The following IGSF21 variants were observed in gnomAD, a reference collection of about 807,000 sequenced individuals.
The protein encoded by IGSF21 is immunoglobin superfamily member 21.
IGSF21 carries 28 observed loss-of-function variants against 46.8 expected under a neutral mutation model. That is an observed-to-expected ratio of 0.60 (90% CI 0.44 to 0.82). The LOEUF is 0.82. Among genes scored for constraint, IGSF21 ranks in the 40% least tolerant of loss-of-function variants. IGSF21 has a pLI of 0.00. For missense variants in IGSF21, 624 were observed against 665.5 expected (o/e 0.94, Z 0.69); for synonymous variants, 284 against 273.6 (o/e 1.04, Z -0.38).
intron 1 of IGSF21, among the ~76,000 whole-genome samples, chr1:18,210,090 G>T (rs141389347): frequency 6.6e-6 from 1 of 152,240 alleles, no homozygotes; most frequent in African/African-American, 2.4e-5. Context: ...TGACATCCAG[G>T]CACTCTATAA....
At chr1:18,136,373 AG>A (rs2124421340) in intron 1 of IGSF21, among the ~76,000 whole-genome samples, 1 of 152,298 alleles carries the variant, frequency 6.6e-6, no homozygotes, top group African/African-American at 2.4e-5. Context: ...GTTTTCTTCT[AG>A]GGTTTTTATG....
At chr1:18,273,979 G>A (rs12411003) in intron 2 of IGSF21, among the ~76,000 whole-genome samples, 33,830 of 152,066 alleles carry the variant, frequency 0.22, 3,979 homozygotes, top group African/African-American at 0.29. Context: ...CTATGTGTTG[G>A]GGGAAATCAC....
At chr1:18,150,704 G>A (rs1003125401) in intron 1 of IGSF21, among the ~76,000 whole-genome samples, 3 of 152,214 alleles carry the variant, frequency 2.0e-5, no homozygotes, top group African/African-American at 7.2e-5. Context: ...CTCCCAGGGA[G>A]CTGAGAGCCC....
In IGSF21 at chr1:18,365,748, G is replaced by A. The variant is rs72938778; in HGVS notation, c.1015+51G>A. 2.3e-3 allele frequency: 3,476 copies of A among 1,484,518 alleles called. 71 individuals are homozygous for A. The African/African-American group carries it at 0.044, about 19-fold the overall frequency. The allele number at this position is 1,484,518 out of a possible 1,614,324, so 92.0% of individuals were successfully genotyped here. ...TAGAGCCCTTGCAGACCTGGGTGTGGGGAGAGCCTTGGAATAGGGTTCCTG... is the reference window on the plus strand; with the variant it reads ...TAGAGCCCTTGCAGACCTGGGTGTGAGGAGAGCCTTGGAATAGGGTTCCTG... On this transcript the variant is annotated intron_variant, in intron 6 of 9. Transcript: ENST00000251296. This position sits in a 1 kb window ranked among gnomAD's most constrained non-coding sequence, Gnocchi z 4.8.
At chr1:18,248,927 C>T (rs1344291251) in intron 2 of IGSF21, among the ~76,000 whole-genome samples, 1 of 152,054 alleles carries the variant, frequency 6.6e-6, no homozygotes, top group Non-Finnish European at 1.5e-5. Flanking sequence ...CTCGAGTGGT[C>T]AAGGTTGGCT....
rs1434563700 is a variant in IGSF21 at position 18,337,204 on chromosome 1, C to A, written c.424+2194C>A. ...TGAGGAAACTGAGGCACAGAGTGAT[C>A]TCGTGGGACTCACTCAGGTTGCACA... On this transcript the variant is annotated intron_variant, in intron 4 of 9. Coordinates refer to ENST00000251296, the MANE Select transcript of IGSF21 (RefSeq NM_032880.5). The surrounding 1 kb of genome is among the most constrained non-coding windows in gnomAD (Gnocchi z 5.7). Among the ~76,000 whole-genome samples, 1 of 152,152 alleles carries A rather than the reference C, an allele frequency of 6.6e-6. No homozygotes were observed. Among genetic ancestry groups the A allele is most frequent in the Non-Finnish European group, 1.5e-5 (1 of 68,022 alleles).
chr1:18,209,779 A>C, intron 1 of IGSF21, among the ~76,000 whole-genome samples: 1 of 151,852 alleles, frequency 6.6e-6, no homozygotes, highest in Non-Finnish European at 1.5e-5. Flanking sequence ...TTCTTTTCTA[A>C]ATGGTACTGG....
rs539568810 is a variant in IGSF21 at position 18,353,625 on chromosome 1, G to A, written c.425-8490G>A. Among the ~76,000 whole-genome samples, 13 of 152,322 alleles carry A rather than the reference G, an allele frequency of 8.5e-5. 1 individual carries two copies. The South Asian group carries it at 2.7e-3, about 32-fold the overall frequency. On this transcript the variant is annotated intron_variant, in intron 4 of 9. Coordinates refer to ENST00000251296, the MANE Select transcript of IGSF21 (RefSeq NM_032880.5). ...AACAAAAGAGAGCTTAGCTTAGATT[G>A]AGGGGTGACATTTGAGCTGAGACTT...
chr1:18,365,994 G>C lies in IGSF21; in HGVS notation c.1015+297G>C, dbSNP rs1421803921. Among the ~76,000 whole-genome samples the C allele has an allele frequency of 1.3e-5, 2 of 151,874 alleles. No homozygotes were observed. Among genetic ancestry groups the C allele is most frequent in the Non-Finnish European group, 2.9e-5 (2 of 67,944 alleles). On this transcript the variant is annotated intron_variant, in intron 6 of 9. Coordinates refer to ENST00000251296, the MANE Select transcript of IGSF21 (RefSeq NM_032880.5). The surrounding 1 kb of genome is among the most constrained non-coding windows in gnomAD (Gnocchi z 4.8). The stretch of plus-strand genomic sequence containing the variant: ...GGACACAGGAGATCAGGGGAGGTCA[G>C]AGGAGTTCCTGGATTAGATCAGGAA...
chr1:18,317,644 T>C (rs2085556339), intron 3 of IGSF21, among the ~76,000 whole-genome samples: 1 of 152,190 alleles, frequency 6.6e-6, no homozygotes, highest in South Asian at 2.1e-4. Context: ...GTCCTTTTCT[T>C]TTCCCCCACT....
chr1:18,227,871 AC>A (rs761295437), intron 1 of IGSF21, 26 bp from the exon 2 acceptor site: 1 of 1,566,466 alleles, frequency 6.4e-7, no homozygotes, highest in South Asian at 1.1e-5. Flanking sequence ...TCGTGCCCTT[AC>A]CACCCCTTTC....
rs2086108245 is a variant in IGSF21, at chr1:18,108,094, C to T, written c.-35C>T. 2 of 1,126,360 alleles carry T rather than the reference C, an allele frequency of 1.8e-6. No homozygotes were observed. Among genetic ancestry groups the T allele is most frequent in the South Asian group, 1.7e-5 (1 of 58,988 alleles). The allele number at this position is 1,126,360 out of a possible 1,614,324, so 69.8% of individuals were successfully genotyped here. A position where few individuals can be genotyped will look rare whatever the true frequency, so the allele number is the denominator to read the frequency against. On this transcript the variant is annotated 5_prime_UTR_variant, in exon 1 of 10. Transcript: ENST00000251296. The stretch of plus-strand genomic sequence containing the variant: ...GACCCGCCGCCACCGCCTCCACCCC[C>T]GCCGCCCCGCCACCGCCGCCAGCTC...
chr1:18,316,455 G>T (rs1207004260), intron 3 of IGSF21, among the ~76,000 whole-genome samples: 1 of 152,132 alleles, frequency 6.6e-6, no homozygotes, highest in Non-Finnish European at 1.5e-5. Flanking sequence ...GCTCTGCATG[G>T]ACTCTCCTTT....
intron 2 of IGSF21, among the ~76,000 whole-genome samples, chr1:18,254,760 C>T (rs1421147332): frequency 1.3e-5 from 2 of 152,202 alleles, no homozygotes; most frequent in African/African-American, 4.8e-5. Context: ...GGCTCTGTTC[C>T]ACTTCTGGAA....
At chr1:18,112,122 G>A (rs72655110) in intron 1 of IGSF21, 23,613 of 152,122 alleles carry the variant, frequency 0.16, 2,073 homozygotes, top group East Asian at 0.22. Context: ...CAAAATAGAG[G>A]CTGTTTAGTT....
intron 1 of IGSF21, among the ~76,000 whole-genome samples, chr1:18,178,817 C>A (rs545226662): frequency 6.6e-6 from 1 of 151,926 alleles, no homozygotes; most frequent in Non-Finnish European, 1.5e-5. Flanking sequence ...GTTTTCCAGA[C>A]CCCCAGGCAG....
At chr1:18,355,016 T>A (rs1569864509) in intron 4 of IGSF21, among the ~76,000 whole-genome samples, 2 of 152,366 alleles carry the variant, frequency 1.3e-5, no homozygotes, top group South Asian at 4.1e-4. Context: ...TGAACTCATT[T>A]GATAGATGGG....
intron 4 of IGSF21, among the ~76,000 whole-genome samples, chr1:18,359,887 C>T (rs569127937): frequency 6.6e-6 from 1 of 152,276 alleles, no homozygotes; most frequent in East Asian, 1.9e-4. Flanking sequence ...TCCCAAAGGT[C>T]GAGGTGGCTC....
intron 4 of IGSF21, among the ~76,000 whole-genome samples, chr1:18,341,026 C>A (rs573407602): frequency 9.7e-6 from 1 of 103,132 alleles, no homozygotes; most frequent in South Asian, 4.6e-4. Flanking sequence ...TCTTCTTCTT[C>A]TTCTTCTTCT....
Sources: allele counts gnomAD v4.1 joint callset (sites outside exome capture counted in the v4.1 genomes callset), GRCh38; gene constraint gnomAD v4.1.1; non-coding constraint Gnocchi (gnomAD v3.1); transcripts MANE v1.5; gene names NCBI Gene and HGNC (gene_info 2026-07-23, HGNC 2026-07-21).